TUBD1: variants seen among roughly 807,000 people sequenced by gnomAD.
TUBD1 encodes the protein tubulin delta chain.
TUBD1 carries 38 observed loss-of-function variants against 51.2 expected under a neutral mutation model. The ratio of observed to expected loss-of-function variants is 0.74; its 90% CI spans 0.57 to 0.97. The LOEUF (loss-of-function observed/expected upper bound fraction) is 0.97, where lower values mean the gene tolerates loss of function less well. Ranked by LOEUF, TUBD1 falls within the 50% of genes least tolerant of loss-of-function variation. The probability of loss-of-function intolerance (pLI) is 0.00; values close to 1 mark genes in which losing one functional copy is unlikely to be tolerated. For missense variants in TUBD1, 489 were observed against 538.4 expected (o/e 0.91, Z 0.91); for synonymous variants, 169 against 178.2 (o/e 0.95, Z 0.41).
In TUBD1 at chr17:59,874,756, A is replaced by C. The variant is rs546148563; in HGVS notation, c.770-53T>G. The C allele has an allele frequency of 2.1e-6, 3 of 1,462,296 alleles. No individual in the cohort carries two copies. In the East Asian group the frequency reaches 6.8e-5, roughly 33 times the overall value. The allele number at this position is 1,462,296 out of a possible 1,614,324, so 90.6% of individuals were successfully genotyped here. ...TTTTTTTTTATTCTACATTGTTGCC[A>C]ATAGTCTATATATAACCATGATTTG... On this transcript the variant is annotated intron_variant, in intron 5 of 8. Transcript: ENST00000325752.
chr17:59,892,938 C>G lies in TUBD1; in HGVS notation c.-281G>C. The G allele has an allele frequency of 5.6e-6, 3 of 532,914 alleles. No individual in the cohort carries two copies. The highest frequency in any genetic ancestry group is 6.7e-6 in the Non-Finnish European group (2 of 296,440). The allele number at this position is 532,914 out of a possible 1,614,324, so 33.0% of individuals were successfully genotyped here. A position where few individuals can be genotyped will look rare whatever the true frequency, so the allele number is the denominator to read the frequency against. ...ACTGTCCACCGAACGCTCCAGCTGA[C>G]AATGCGCATGCTCTAGTCCTCCAAG... On this transcript the variant is annotated 5_prime_UTR_variant, in exon 1 of 9. Transcript: ENST00000325752.
intron 5 of TUBD1, among the ~76,000 whole-genome samples, chr17:59,876,868 CTT>C (rs199804255): frequency 8.4e-5 from 12 of 143,230 alleles, no homozygotes; most frequent in Non-Finnish European, 7.7e-5. Flanking sequence ...CTTAACCATT[CTT>C]TTTTTTTTTT....
chr17:59,868,552 A>T (rs1244783843), intron 6 of TUBD1, among the ~76,000 whole-genome samples: 1 of 151,428 alleles, frequency 6.6e-6, no homozygotes, highest in Non-Finnish European at 1.5e-5. Context: ...AGAAATAACA[A>T]AATTAGGCCA....
rs777261403 is a variant in TUBD1 at position 59,890,938 on chromosome 17, G to A, written c.65C>T (p.Ala22Val). ...GGAACTGTGTGAGTCACTAAGCAAA[G>A]CATCAAAAACTTCAAAACCAATCTG... ...GNQIGFEVFD[A>V]LLSDSHSSQG... The change falls in exon 2 of 9, where the codon GCT becomes GTT. Residue 22 changes from alanine (A) to valine (V), a missense_variant. Coordinates refer to ENST00000325752, the MANE Select transcript of TUBD1 (RefSeq NM_016261.4). The A allele has an allele frequency of 2.5e-6, 4 of 1,613,798 alleles. No homozygotes were observed. The highest frequency in any genetic ancestry group is 2.7e-5 in the African/African-American group (2 of 74,904).
At chr17:59,877,366 G>A (rs980174034) in intron 5 of TUBD1, among the ~76,000 whole-genome samples, 2 of 152,262 alleles carry the variant, frequency 1.3e-5, no homozygotes, top group African/African-American at 2.4e-5. Context: ...ATGCTGACGC[G>A]CACATTGACA....
chr17:59,865,841 TG>T (rs2039672972), intron 7 of TUBD1, among the ~76,000 whole-genome samples: 1 of 152,128 alleles, frequency 6.6e-6, no homozygotes, highest in African/African-American at 2.4e-5. Context: ...CTGGGCGCAG[TG>T]GCTCACGCCT....
intron 8 of TUBD1, 55 bp from the exon 9 acceptor site, chr17:59,860,479 G>A: frequency 8.8e-7 from 1 of 1,134,398 alleles, no homozygotes; most frequent in Non-Finnish European, 1.3e-6. Flanking sequence ...TCTGGCAAAT[G>A]AGTAACTCTT....
At chr17:59,871,798 C>T (rs1186198937) in intron 6 of TUBD1, among the ~76,000 whole-genome samples, 1 of 151,076 alleles carries the variant, frequency 6.6e-6, no homozygotes, top group Non-Finnish European at 1.5e-5. Context: ...AGAAAGAATT[C>T]TTTTTTTTTA....
At chr17:59,865,342 A>AGGTCTGCAGTTTGAGACCAGCCT (rs374048813) in intron 7 of TUBD1, among the ~76,000 whole-genome samples, 15 of 152,034 alleles carry the variant, frequency 9.9e-5, no homozygotes, top group Admixed American at 1.3e-4. Flanking sequence ...GGATCACTTG[A>AGGTCTGCAGTTTGAGACCAGCCT]GGTCTGCAGT....
intron 5 of TUBD1, among the ~76,000 whole-genome samples, chr17:59,876,849 T>C (rs974318208): frequency 1.3e-5 from 2 of 150,478 alleles, no homozygotes; most frequent in Non-Finnish European, 2.9e-5. Flanking sequence ...CTTGTTCAGC[T>C]ACTCTTACCT....
At chr17:59,887,826 C>T (rs376717948) in intron 2 of TUBD1, among the ~76,000 whole-genome samples, 18 of 151,952 alleles carry the variant, frequency 1.2e-4, no homozygotes, top group African/African-American at 7.2e-5. Context: ...GAGACAGAAT[C>T]TTGCTCTATT....
chr17:59,862,725 T>A (rs1488339820), intron 8 of TUBD1, among the ~76,000 whole-genome samples: 1 of 80,092 alleles, frequency 1.2e-5, no homozygotes, highest in Non-Finnish European at 2.8e-5. Context: ...TTTTTTTTTT[T>A]TTTTTTTTTT....
At chr17:59,888,492 T>C (rs1035288351) in intron 2 of TUBD1, among the ~76,000 whole-genome samples, 1 of 152,164 alleles carries the variant, frequency 6.6e-6, no homozygotes, top group Non-Finnish European at 1.5e-5. Context: ...ATAGAGATGT[T>C]GAGTTTCAGG....
At chr17:59,882,369 C>G (rs917752048) in intron 3 of TUBD1, among the ~76,000 whole-genome samples, 16 of 152,026 alleles carry the variant, frequency 1.1e-4, no homozygotes, top group African/African-American at 3.9e-4. Flanking sequence ...CTAAAACTAC[C>G]TCCGCCTCCC....
chr17:59,874,322 T>A (rs529232131), intron 6 of TUBD1, among the ~76,000 whole-genome samples: 29 of 152,116 alleles, frequency 1.9e-4, no homozygotes, highest in Middle Eastern at 3.4e-3. Flanking sequence ...AATAAAAATT[T>A]AAAAAAAATC....
Position 59,890,993 on chromosome 17 carries a change from C to T in TUBD1, c.10G>A (p.Val4Ile), listed in dbSNP as rs143563199. 5.5e-5 allele frequency: 89 copies of T among 1,609,976 alleles called. No homozygotes were observed. In the African/African-American group the frequency reaches 9.6e-4, roughly 17 times the overall value. MSIVTVQLGQCGNQ... is the reference protein window; with the variant it reads MSIITVQLGQCGNQ... Reference sequence around the variant, plus strand: ...CCACACTGACCAAGTTGCACTGTTACAATTGACATGCTGAGCCACAAACTA... The same window carrying T: ...CCACACTGACCAAGTTGCACTGTTATAATTGACATGCTGAGCCACAAACTA... Residue 4 changes from valine (V) to isoleucine (I), a missense_variant, in exon 2 of 9, where the codon GTA (valine) becomes ATA (isoleucine). Coordinates refer to ENST00000325752, the MANE Select transcript of TUBD1 (RefSeq NM_016261.4).
intron 4 of TUBD1, among the ~76,000 whole-genome samples, chr17:59,880,391 G>C (rs1402436159): frequency 6.6e-6 from 1 of 151,792 alleles, no homozygotes; most frequent in Non-Finnish European, 1.5e-5. Flanking sequence ...TACCTCATCT[G>C]TTTGGAAAAG....
At chr17:59,884,475 A>T (rs1234106007) in intron 3 of TUBD1, among the ~76,000 whole-genome samples, 2 of 149,910 alleles carry the variant, frequency 1.3e-5, no homozygotes, top group African/African-American at 4.9e-5. Context: ...TTAGCTGGGC[A>T]TGGTGGCAGG....
chr17:59,886,419 C>A, intron 2 of TUBD1, 189 bp from the exon 3 acceptor site: 1 of 571,744 alleles, frequency 1.7e-6, no homozygotes, highest in Non-Finnish European at 3.0e-6. Flanking sequence ...CAGATGTTCA[C>A]CAAGCCCAGC....
Sources: allele counts gnomAD v4.1 joint callset (sites outside exome capture counted in the v4.1 genomes callset), GRCh38; gene constraint gnomAD v4.1.1; transcripts MANE v1.5; gene names NCBI Gene and HGNC (gene_info 2026-07-23, HGNC 2026-07-21).